The following VGLL4 variants were observed in gnomAD, a reference collection of about 807,000 sequenced individuals.
VGLL4 encodes the protein vestigial like family member 4, also known as transcription cofactor vestigial-like protein 4.
VGLL4 carries 7 observed loss-of-function variants against 21.0 expected under a neutral mutation model. The ratio of observed to expected loss-of-function variants is 0.33; its 90% CI spans 0.19 to 0.63. VGLL4 has a LOEUF of 0.63. VGLL4 is among the 20% of genes least tolerant of loss of function. The pLI, the probability that VGLL4 is intolerant of heterozygous loss-of-function variation, is 0.78. For synonymous variants in VGLL4, 222 were observed against 173.2 expected, an observed-to-expected ratio of 1.28 and a Z score of -2.21; for missense variants, 394 against 425.7, an observed-to-expected ratio of 0.93 and a Z score of 0.66.
At chr3:11,712,204 A>C (rs2076856155) in intron 1 of VGLL4, among the ~76,000 whole-genome samples, 1 of 152,212 alleles carries the variant, frequency 6.6e-6, no homozygotes, top group African/African-American at 2.4e-5. Context: ...TCACTCATTC[A>C]GTCAACAATC....
intron 1 of VGLL4, among the ~76,000 whole-genome samples, chr3:11,629,456 A>G (rs73127142): frequency 0.043 from 6,562 of 152,162 alleles, 465 homozygotes; most frequent in African/African-American, 0.15. Flanking sequence ...TGAAAGATAC[A>G]TAGAATCCAC....
chr3:11,611,909 T>C (rs1389144376), intron 1 of VGLL4: 2 of 151,742 alleles, frequency 1.3e-5, no homozygotes, highest in African/African-American at 4.8e-5. Flanking sequence ...GGGCCTCCTT[T>C]GGATGGGGAG....
rs1411007477 is a variant in VGLL4, at chr3:11,653,322, T to G, written c.64+49649A>C. 6.6e-6 allele frequency among the ~76,000 whole-genome samples: 1 copy of G among 152,236 alleles called. No individual in the cohort carries two copies. The highest frequency in any genetic ancestry group is 6.5e-5 in the Admixed American group (1 of 15,284). Reference sequence around the variant, plus strand: ...CAGTAACTACCCCCATAGGGTAACTTACTATCCTAACCTTTAAGAACGTAG... The same window carrying G: ...CAGTAACTACCCCCATAGGGTAACTGACTATCCTAACCTTTAAGAACGTAG... On this transcript the variant is annotated intron_variant, in intron 2 of 5. Coordinates refer to the VGLL4 transcript ENST00000273038. This position sits in a 1 kb window ranked among gnomAD's most constrained non-coding sequence, Gnocchi z 4.2.
chr3:11,710,981 T>G (rs2076834145), intron 1 of VGLL4, among the ~76,000 whole-genome samples: 1 of 151,822 alleles, frequency 6.6e-6, no homozygotes, highest in Non-Finnish European at 1.5e-5. Context: ...GCACCTGTAA[T>G]CCCAGCTACT....
intron 2 of VGLL4, among the ~76,000 whole-genome samples, chr3:11,672,943 C>T (rs1055297841): frequency 1.2e-4 from 19 of 152,166 alleles, no homozygotes; most frequent in South Asian, 2.1e-4. Context: ...GGGCAGACAT[C>T]GCACAATTCA....
chr3:11,640,831 GTAC>G (rs1030402263), intron 1 of VGLL4, among the ~76,000 whole-genome samples: 1 of 152,136 alleles, frequency 6.6e-6, no homozygotes, highest in Non-Finnish European at 1.5e-5. Context: ...AAGAAAGACA[GTAC>G]AGGCTGAGTG....
chr3:11,587,204 A>G (rs1319040064), intron 2 of VGLL4, among the ~76,000 whole-genome samples: 2 of 152,206 alleles, frequency 1.3e-5, no homozygotes, highest in Non-Finnish European at 2.9e-5. Context: ...GTCTTATTTC[A>G]CAGTCCAAAG....
chr3:11,717,989 C>T (rs2076941771), intron 1 of VGLL4, among the ~76,000 whole-genome samples: 1 of 150,576 alleles, frequency 6.6e-6, no homozygotes, highest in East Asian at 1.9e-4. Context: ...TAACCCAGAG[C>T]TGTTTTTACT....
chr3:11,685,119 G>T (rs2076427723), intron 2 of VGLL4, among the ~76,000 whole-genome samples: 2 of 151,802 alleles, frequency 1.3e-5, no homozygotes, highest in African/African-American at 2.4e-5. Flanking sequence ...TACTAAGGAT[G>T]ATAACCTCCA....
intron 2 of VGLL4, among the ~76,000 whole-genome samples, chr3:11,578,932 T>C (rs1170576985): frequency 6.6e-6 from 1 of 151,952 alleles, no homozygotes; most frequent in Admixed American, 6.6e-5. Context: ...GTATTTTTAG[T>C]AGAGACGGGG....
chr3:11,700,411 C>T (rs2076664346), intron 2 of VGLL4, among the ~76,000 whole-genome samples: 1 of 152,260 alleles, frequency 6.6e-6, no homozygotes, highest in Admixed American at 6.5e-5. Flanking sequence ...ACTATATTGG[C>T]GCTCAACAAA....
intron 1 of VGLL4, among the ~76,000 whole-genome samples, chr3:11,707,692 C>T (rs2076782053): frequency 6.6e-6 from 1 of 151,878 alleles, no homozygotes; most frequent in South Asian, 2.1e-4. Context: ...TTACTCATTT[C>T]TACAAAAGAT....
chr3:11,632,269 T>C (rs2125317496), intron 1 of VGLL4, among the ~76,000 whole-genome samples: 1 of 152,134 alleles, frequency 6.6e-6, no homozygotes, highest in Middle Eastern at 3.4e-3. Context: ...GCTGAGATCG[T>C]GCCACTGCAC....
chr3:11,612,296 T>C (rs1224419917), intron 1 of VGLL4: 2 of 151,520 alleles, frequency 1.3e-5, no homozygotes, highest in African/African-American at 4.8e-5. Context: ...CCCTGTTGGA[T>C]TTAGTTTACA....
chr3:11,559,387 G>C lies in VGLL4; in HGVS notation c.564C>G (p.Ile188Met). Residue 188 changes from isoleucine (I) to methionine (M), a missense_variant, in exon 4 of 5, where the codon ATC becomes ATG. Coordinates refer to ENST00000430365, the MANE Select transcript of VGLL4 (RefSeq NM_001128219.3). ...ARNCNLSHCP[I>M]AHSGCAAPGP... ...CGGGCGCGGCACAGCCGCTGTGCGCGATGGGGCAGTGCGAGAGGTTGCAGT... is the reference window on the plus strand; with the variant it reads ...CGGGCGCGGCACAGCCGCTGTGCGCCATGGGGCAGTGCGAGAGGTTGCAGT... 1.3e-6 allele frequency: 2 copies of C among 1,558,710 alleles called. No homozygotes were observed. Among genetic ancestry groups the C allele is most frequent in the African/African-American group, 1.4e-5 (1 of 73,754 alleles).
intron 2 of VGLL4, chr3:11,582,491 C>T (rs2074255966): frequency 2.2e-6 from 2 of 905,322 alleles, no homozygotes; most frequent in Non-Finnish European, 3.2e-6. Context: ...TCCTATGGGT[C>T]CTGGGGTAGG....
At chr3:11,566,223 C>T (rs543770838) in intron 2 of VGLL4, among the ~76,000 whole-genome samples, 1 of 151,968 alleles carries the variant, frequency 6.6e-6, no homozygotes. Flanking sequence ...GTTACACACA[C>T]GCACACCACA....
At chr3:11,604,680 C>A (rs1237415111) in intron 1 of VGLL4, 3 of 402,836 alleles carry the variant, frequency 7.4e-6, no homozygotes, top group Non-Finnish European at 6.6e-6. Flanking sequence ...AATTTGGGCA[C>A]GTGCTTCCCC....
At chr3:11,670,077 G>A (rs1392292036) in intron 2 of VGLL4, among the ~76,000 whole-genome samples, 2 of 151,746 alleles carry the variant, frequency 1.3e-5, no homozygotes, top group South Asian at 4.2e-4. Context: ...AATGCATTAT[G>A]TATGGGAGGA....
Sources: allele counts gnomAD v4.1 joint callset (sites outside exome capture counted in the v4.1 genomes callset), GRCh38; gene constraint gnomAD v4.1.1; non-coding constraint Gnocchi (gnomAD v3.1); transcripts MANE v1.5; gene names NCBI Gene and HGNC (gene_info 2026-07-23, HGNC 2026-07-21).